The following MACROD2 variants were observed in gnomAD, a reference collection of about 807,000 sequenced individuals.
MACROD2 encodes ADP-ribose glycohydrolase MACROD2.
A neutral mutation model predicts 70.4 loss-of-function variants in MACROD2; 36 were observed. The ratio of observed to expected loss-of-function variants is 0.51; its 90% CI spans 0.39 to 0.68. MACROD2 has a LOEUF of 0.68. MACROD2 is among the 30% of genes least tolerant of loss of function. The probability of loss-of-function intolerance (pLI) is 0.00; values close to 1 mark genes in which losing one functional copy is unlikely to be tolerated. For synonymous variants in MACROD2, 172 were observed against 178.8 expected (o/e 0.96, Z 0.30); for missense variants, 496 against 538.4 (o/e 0.92, Z 0.78).
intron 3 of MACROD2, among the ~76,000 whole-genome samples, chr20:14,113,198 T>G (rs1367967929): frequency 6.6e-6 from 1 of 152,090 alleles, no homozygotes; most frequent in East Asian, 1.9e-4. Flanking sequence ...AAATATTTTA[T>G]TTTTACATAC....
At chr20:15,491,267 C>T (rs2047228258) in intron 7 of MACROD2, among the ~76,000 whole-genome samples, 1 of 152,154 alleles carries the variant, frequency 6.6e-6, no homozygotes, top group Non-Finnish European at 1.5e-5. Context: ...CTCCCCAACT[C>T]CTCCCCAATT....
At chr20:15,569,717 G>A (rs914722567) in intron 8 of MACROD2, among the ~76,000 whole-genome samples, 1 of 152,176 alleles carries the variant, frequency 6.6e-6, no homozygotes, top group Non-Finnish European at 1.5e-5. Context: ...TGAAGTGGTA[G>A]CTTCACAAAG....
At chr20:14,099,151 G>C (rs868620791) in intron 3 of MACROD2, among the ~76,000 whole-genome samples, 7 of 151,952 alleles carry the variant, frequency 4.6e-5, no homozygotes, top group African/African-American at 1.7e-4. Flanking sequence ...GGTGGCATGC[G>C]CCTGTAATCC....
intron 3 of MACROD2, chr20:14,327,228 G>A (rs1601484008): frequency 6.2e-7 from 1 of 1,613,702 alleles, no homozygotes; most frequent in Non-Finnish European, 8.5e-7. Context: ...CATCTAAACT[G>A]TTGTGGTATA....
intron 3 of MACROD2, among the ~76,000 whole-genome samples, chr20:14,464,706 A>G (rs2084418817): frequency 1.3e-5 from 2 of 151,562 alleles, no homozygotes; most frequent in Admixed American, 1.3e-4. Flanking sequence ...ACTGCTTTGA[A>G]TGTGTCCCAG....
chr20:16,006,449 A>G (rs1241288625), intron 15 of MACROD2, among the ~76,000 whole-genome samples: 2 of 152,210 alleles, frequency 1.3e-5, no homozygotes, highest in Admixed American at 1.3e-4. Context: ...ACTGCAACAC[A>G]GATTTGCACC....
At chr20:14,059,647 C>T (rs1460945944) in intron 2 of MACROD2, among the ~76,000 whole-genome samples, 1 of 152,082 alleles carries the variant, frequency 6.6e-6, no homozygotes, top group Non-Finnish European at 1.5e-5. Context: ...AGCCAATGCC[C>T]TGATGAGGTT....
At chr20:14,948,530 T>C (rs1215891523) in intron 5 of MACROD2, among the ~76,000 whole-genome samples, 1 of 152,162 alleles carries the variant, frequency 6.6e-6, no homozygotes, top group Non-Finnish European at 1.5e-5. Flanking sequence ...GTGGCAAAGA[T>C]GCTCATACAG....
Position 14,326,920 on chromosome 20 carries a change from T to C in MACROD2, c.272-166559T>C. The C allele has an allele frequency of 4.3e-6, 7 of 1,613,796 alleles. No individual in the cohort carries two copies. The highest frequency in any genetic ancestry group is 5.1e-6 in the Non-Finnish European group (6 of 1,179,804). Reference sequence around the variant, plus strand: ...CAGGCGTTTTAGACTAGTGAGACCTTGAAGAGATGGTGATGAAATAGTGGA... The same window carrying C: ...CAGGCGTTTTAGACTAGTGAGACCTCGAAGAGATGGTGATGAAATAGTGGA... On this transcript the variant is annotated intron_variant, in intron 3 of 17. Coordinates refer to ENST00000684519, the MANE Select transcript of MACROD2 (RefSeq NM_001351661.2). The surrounding 1 kb of genome is among the most constrained non-coding windows in gnomAD (Gnocchi z 5.5).
chr20:14,796,426 GT>G (rs568286395), intron 5 of MACROD2, among the ~76,000 whole-genome samples: 1 of 152,024 alleles, frequency 6.6e-6, no homozygotes, highest in African/African-American at 2.4e-5. Flanking sequence ...ATAGAGCAAT[GT>G]TTTTTTCACT....
intron 8 of MACROD2, among the ~76,000 whole-genome samples, chr20:15,699,059 C>T (rs2050417210): frequency 6.6e-6 from 1 of 152,154 alleles, no homozygotes; most frequent in African/African-American, 2.4e-5. Flanking sequence ...ACTAATTAAC[C>T]TCCAGGATTC....
chr20:14,909,602 C>T (rs2074001382), intron 5 of MACROD2, among the ~76,000 whole-genome samples: 1 of 151,884 alleles, frequency 6.6e-6, no homozygotes, highest in Non-Finnish European at 1.5e-5. Context: ...AGCTGCTGTG[C>T]AAAGAAGCTG....
chr20:14,061,439 A>G (rs185211615), intron 2 of MACROD2, among the ~76,000 whole-genome samples: 1 of 149,900 alleles, frequency 6.7e-6, no homozygotes, highest in East Asian at 1.9e-4. Context: ...GGTGCTTCTA[A>G]TACAGGTTGG....
At position 15,802,631 on chromosome 20, in the gene MACROD2, C is replaced by G. The variant is rs138278050; in HGVS notation, c.646-60114C>G. 1.3e-4 allele frequency among the ~76,000 whole-genome samples: 19 copies of G among 151,970 alleles called. No individual in the cohort carries two copies. In the South Asian group the frequency reaches 4.0e-3, roughly 32 times the overall value. On this transcript the variant is annotated intron_variant, in intron 8 of 17. Transcript: ENST00000684519. The stretch of plus-strand genomic sequence containing the variant: ...AGATATTAAAAAAGCAAGAACAAAC[C>G]GAATCCAAAATTAACAGAAAAAGAA...
At chr20:15,372,779 C>T (rs1264295740) in intron 6 of MACROD2, among the ~76,000 whole-genome samples, 2 of 152,030 alleles carry the variant, frequency 1.3e-5, no homozygotes, top group African/African-American at 4.8e-5. Context: ...AGGCTGGATG[C>T]GATAATGCAT....
chr20:15,241,966 T>C (rs975628046), intron 6 of MACROD2, among the ~76,000 whole-genome samples: 1 of 152,054 alleles, frequency 6.6e-6, no homozygotes, highest in African/African-American at 2.4e-5. Flanking sequence ...TTCAACAAAA[T>C]GCAATTAGAT....
intron 3 of MACROD2, among the ~76,000 whole-genome samples, chr20:14,399,491 T>A (rs2083615483): frequency 6.6e-6 from 1 of 152,166 alleles, no homozygotes; most frequent in Admixed American, 6.5e-5. Flanking sequence ...CTAGCTACGT[T>A]TAATTTTGTC....
chr20:15,092,493 C>G (rs891586161), intron 5 of MACROD2, among the ~76,000 whole-genome samples: 1 of 149,714 alleles, frequency 6.7e-6, no homozygotes, highest in African/African-American at 2.4e-5. Context: ...TAAATACAAG[C>G]TGGCCTTGGA....
intron 3 of MACROD2, among the ~76,000 whole-genome samples, chr20:14,119,532 T>TAA (rs1028848936): frequency 4.6e-5 from 7 of 152,154 alleles, no homozygotes; most frequent in African/African-American, 1.7e-4. Context: ...AGTGTTTCTG[T>TAA]AACATTCCTG....
Sources: allele counts gnomAD v4.1 joint callset (sites outside exome capture counted in the v4.1 genomes callset), GRCh38; gene constraint gnomAD v4.1.1; non-coding constraint Gnocchi (gnomAD v3.1); transcripts MANE v1.5; gene names NCBI Gene and HGNC (gene_info 2026-07-23, HGNC 2026-07-21).